Variants in PPP1R14C observed in about 807,000 individuals in gnomAD.
PPP1R14C encodes the protein protein phosphatase 1 regulatory subunit 14C.
In PPP1R14C, 16 loss-of-function variants were observed where a neutral mutation model predicts 20.4. That is an observed-to-expected ratio of 0.78 (90% confidence interval 0.53 to 1.19). The LOEUF is 1.19. Ranked by LOEUF, PPP1R14C falls within the 50% of genes most tolerant of loss-of-function variation. The pLI, the probability that PPP1R14C is intolerant of heterozygous loss-of-function variation, is 0.00. For synonymous variants in PPP1R14C, 91 were observed against 91.0 expected (o/e 1.00, Z 0.00); for missense variants, 211 against 220.1 (o/e 0.96, Z 0.26).
At chr6:150,171,444 C>T (rs1418675086) in intron 1 of PPP1R14C, among the ~76,000 whole-genome samples, 2 of 152,144 alleles carry the variant, frequency 1.3e-5, no homozygotes, top group East Asian at 3.9e-4. Context: ...TTAAAAGAGA[C>T]CCGAGAGATC....
intron 1 of PPP1R14C, among the ~76,000 whole-genome samples, chr6:150,208,485 T>C (rs1298536470): frequency 1.3e-5 from 2 of 152,204 alleles, no homozygotes; most frequent in East Asian, 3.8e-4. Flanking sequence ...GATTTAAATA[T>C]TTAATGTTAT....
intron 3 of PPP1R14C, among the ~76,000 whole-genome samples, chr6:150,237,155 C>T (rs963994050): frequency 6.6e-6 from 1 of 151,718 alleles, no homozygotes; most frequent in African/African-American, 2.4e-5. Context: ...GGGGGTGGGG[C>T]AGGGGGGATA....
At position 150,249,057 on chromosome 6, in the gene PPP1R14C, G is replaced by A; in HGVS notation, c.*237G>A. 1 of 447,704 alleles carries A rather than the reference G, an allele frequency of 2.2e-6. No individual in the cohort carries two copies. Among genetic ancestry groups the A allele is most frequent in the Non-Finnish European group, 3.9e-6 (1 of 255,512 alleles). The allele number at this position is 447,704 out of a possible 1,614,324, so 27.7% of individuals were successfully genotyped here. On this transcript the variant is annotated 3_prime_UTR_variant, in exon 4 of 4. Coordinates refer to ENST00000361131, the MANE Select transcript of PPP1R14C (RefSeq NM_030949.3). ...TAATAGCAAAGATATCATGACTCTA[G>A]CCACAGCCTAACCAAGGATTATCAA...
intron 1 of PPP1R14C, among the ~76,000 whole-genome samples, chr6:150,211,481 A>G (rs1377344600): frequency 6.6e-6 from 1 of 152,106 alleles, no homozygotes; most frequent in Non-Finnish European, 1.5e-5. Flanking sequence ...AAATGCCCAA[A>G]CACAACTAAG....
intron 1 of PPP1R14C, among the ~76,000 whole-genome samples, chr6:150,176,538 G>A (rs1777564737): frequency 6.6e-6 from 1 of 152,200 alleles, no homozygotes; most frequent in African/African-American, 2.4e-5. Flanking sequence ...ATAAAGGTGA[G>A]ACCTTCCTTA....
intron 1 of PPP1R14C, among the ~76,000 whole-genome samples, chr6:150,186,868 A>T (rs560592995): frequency 4.2e-4 from 64 of 152,178 alleles, no homozygotes; most frequent in Non-Finnish European, 3.8e-4. Flanking sequence ...AACCAGGAGG[A>T]CCTTGTGGGC....
chr6:150,166,258 T>C (rs1054531379), intron 1 of PPP1R14C, among the ~76,000 whole-genome samples: 1 of 152,000 alleles, frequency 6.6e-6, no homozygotes, highest in Non-Finnish European at 1.5e-5. Context: ...TTTTTTGTAT[T>C]TTTAGTAGAG....
intron 1 of PPP1R14C, among the ~76,000 whole-genome samples, chr6:150,198,003 C>G (rs9479908): frequency 6.5e-5 from 3 of 45,956 alleles, no homozygotes; most frequent in African/African-American, 2.2e-4. Flanking sequence ...CTTTGTGTGC[C>G]CCTGCCCTTC....
At chr6:150,155,442 T>A (rs1340742264) in intron 1 of PPP1R14C, among the ~76,000 whole-genome samples, 2 of 152,148 alleles carry the variant, frequency 1.3e-5, no homozygotes, top group Non-Finnish European at 2.9e-5. Context: ...TACTCCATTT[T>A]AAAATGAGAA....
At position 150,216,994 on chromosome 6, in the gene PPP1R14C, T is replaced by C. The variant is rs183784602; in HGVS notation, c.423+138T>C. 115 of 625,508 alleles carry C rather than the reference T, an allele frequency of 1.8e-4. No homozygotes were observed. In the East Asian group the frequency reaches 2.2e-3, roughly 12 times the overall value. 38.7% of individuals were successfully genotyped at this position (625,508 alleles called of 1,614,324 possible). A position where few individuals can be genotyped will look rare whatever the true frequency, so the allele number is the denominator to read the frequency against. ...AGCAATTATTATCCATGAGTGCATATGTTTGAATAGCTCTAACTTCATTAT... is the reference window on the plus strand; with the variant it reads ...AGCAATTATTATCCATGAGTGCATACGTTTGAATAGCTCTAACTTCATTAT... On this transcript the variant is annotated intron_variant, in intron 3 of 3. Transcript: ENST00000361131.
chr6:150,154,399 G>A (rs1777282911), intron 1 of PPP1R14C, among the ~76,000 whole-genome samples: 1 of 152,144 alleles, frequency 6.6e-6, no homozygotes, highest in South Asian at 2.1e-4. Flanking sequence ...CGTCCTAGTC[G>A]GGCCACCGCT....
chr6:150,224,092 A>G (rs1428780484), intron 3 of PPP1R14C, among the ~76,000 whole-genome samples: 2 of 152,342 alleles, frequency 1.3e-5, no homozygotes, highest in East Asian at 3.9e-4. Context: ...TCTCAGGATC[A>G]TTTGTTGAAA....
At chr6:150,216,688 C>G (rs571752548) in intron 2 of PPP1R14C, 136 bp from the exon 3 acceptor site, 6 of 634,772 alleles carry the variant, frequency 9.5e-6, no homozygotes, top group Non-Finnish European at 1.6e-5. Flanking sequence ...AAATGAAGTG[C>G]GTTTCTAGAT....
intron 1 of PPP1R14C, chr6:150,196,033 C>T (rs1777800078): frequency 1.0e-6 from 1 of 985,314 alleles, no homozygotes; most frequent in South Asian, 4.7e-5. Context: ...GACTGGGATT[C>T]TCCTCTCTTG....
intron 1 of PPP1R14C, among the ~76,000 whole-genome samples, chr6:150,150,119 T>C (rs913373700): frequency 1.8e-4 from 28 of 152,360 alleles, no homozygotes; most frequent in African/African-American, 6.7e-4. Context: ...GATGTTTCTG[T>C]ATCTGAACTA....
Position 150,209,308 on chromosome 6 carries a change from C to T in PPP1R14C, c.307-5436C>T, listed in dbSNP as rs570611158. ...TTTAGCTTGAACATTCCTGCCTGCT[C>T]CCTTCACTGCTGTGGGCAGGGGTGA... On this transcript the variant is annotated intron_variant, in intron 1 of 3. Coordinates refer to ENST00000361131, the MANE Select transcript of PPP1R14C (RefSeq NM_030949.3). Among the ~76,000 whole-genome samples the T allele has an allele frequency of 6.6e-5, 10 of 152,318 alleles. No homozygotes were observed. The South Asian group carries it at 2.1e-3, about 32-fold the overall frequency.
In PPP1R14C at chr6:150,216,568, A is replaced by AAT. The variant is rs1554220556; in HGVS notation, c.391-255_391-254insTA. On this transcript the variant is annotated intron_variant, in intron 2 of 3. Coordinates refer to ENST00000361131, the MANE Select transcript of PPP1R14C (RefSeq NM_030949.3). ...TTCAATGCTATGGTAGCAAAAAAAA[A>AAT]AAATAAATATTTTCCTGTTCAAAAA... Among the ~76,000 whole-genome samples the AAT allele has an allele frequency of 3.5e-4, 53 of 152,256 alleles. 1 individual carries two copies. In the South Asian group the frequency reaches 4.1e-3, roughly 12 times the overall value.
intron 3 of PPP1R14C, among the ~76,000 whole-genome samples, chr6:150,236,633 G>C (rs912437618): frequency 2.2e-4 from 33 of 151,610 alleles, no homozygotes; most frequent in Non-Finnish European, 4.1e-4. Context: ...GTGTGTGTGT[G>C]TGTGTGCGCG....
intron 1 of PPP1R14C, among the ~76,000 whole-genome samples, chr6:150,179,780 T>G (rs561406776): frequency 2.0e-5 from 3 of 152,356 alleles, no homozygotes; most frequent in African/African-American, 7.2e-5. Flanking sequence ...GACAGGAGTT[T>G]GAGTCCCAAC....
Sources: gnomAD v4.1 joint callset for allele counts (sites outside exome capture counted in the v4.1 genomes callset) on GRCh38, gnomAD v4.1.1 for gene constraint, MANE v1.5 for transcripts, NCBI Gene and HGNC (gene_info 2026-07-23, HGNC 2026-07-21) for gene names.